EYS: variants seen among roughly 807,000 people sequenced by gnomAD.
EYS encodes protein eyes shut homolog.
A neutral mutation model predicts 282.1 loss-of-function variants in EYS; 250 were observed. That is an observed-to-expected ratio of 0.89 (90% CI 0.80 to 0.98). The LOEUF (loss-of-function observed/expected upper bound fraction) is 0.98, where lower values mean the gene tolerates loss of function less well. Among genes scored for constraint, EYS ranks in the 50% least tolerant of loss-of-function variants. EYS has a pLI of 0.00. For missense variants in EYS, 4,016 were observed against 3,709.0 expected, an observed-to-expected ratio of 1.08 and a Z score of -2.15; for synonymous variants, 1,355 against 1,282.9, an observed-to-expected ratio of 1.06 and a Z score of -1.20.
intron 31 of EYS, among the ~76,000 whole-genome samples, chr6:64,091,603 T>TC (rs1253917955): frequency 2.6e-5 from 4 of 152,142 alleles, no homozygotes; most frequent in Non-Finnish European, 5.9e-5. Flanking sequence ...ACGTTGATGG[T>TC]CCCCAGACTT....
At chr6:64,136,122 A>T (rs1457728676) in intron 31 of EYS, among the ~76,000 whole-genome samples, 2 of 149,456 alleles carry the variant, frequency 1.3e-5, no homozygotes, top group Admixed American at 1.3e-4. Flanking sequence ...CAGCATCTTC[A>T]CCAGGAGTAG....
At chr6:63,908,452 T>C (rs1773837831) in intron 35 of EYS, among the ~76,000 whole-genome samples, 1 of 152,112 alleles carries the variant, frequency 6.6e-6, no homozygotes, top group Admixed American at 6.5e-5. Flanking sequence ...TTTTTGTTTG[T>C]TCTTTTTTAT....
intron 35 of EYS, among the ~76,000 whole-genome samples, chr6:63,984,114 G>A (rs1028378530): frequency 2.6e-5 from 4 of 151,590 alleles, no homozygotes. Flanking sequence ...ATAAAGACGT[G>A]GATTCATTTG....
At chr6:64,102,894 CT>C (rs1307665534) in intron 31 of EYS, among the ~76,000 whole-genome samples, 3 of 150,746 alleles carry the variant, frequency 2.0e-5, no homozygotes, top group East Asian at 1.9e-4. Context: ...ACAAACATAT[CT>C]TTTTTTTCAT....
chr6:65,618,804 T>C (rs933194867), intron 2 of EYS, among the ~76,000 whole-genome samples: 24 of 152,314 alleles, frequency 1.6e-4, no homozygotes, highest in Middle Eastern at 3.4e-3. Context: ...ATTTATTAAA[T>C]AGGGAATCCT....
At chr6:65,230,658 G>A (rs1351899674) in intron 12 of EYS, among the ~76,000 whole-genome samples, 1 of 151,588 alleles carries the variant, frequency 6.6e-6, no homozygotes, top group East Asian at 1.9e-4. Flanking sequence ...CACATGTGGA[G>A]GGCCTCCCCT....
intron 18 of EYS, among the ~76,000 whole-genome samples, chr6:64,887,587 A>G (rs975705466): frequency 1.3e-5 from 2 of 152,006 alleles, no homozygotes; most frequent in African/African-American, 4.8e-5. Flanking sequence ...TTTGAGCTAG[A>G]TTTCTATTTA....
intron 33 of EYS, among the ~76,000 whole-genome samples, chr6:64,041,162 C>T (rs1244976155): frequency 1.3e-5 from 2 of 151,932 alleles, no homozygotes; most frequent in Non-Finnish European, 2.9e-5. Flanking sequence ...GGGTGATAGA[C>T]TCTGCTGATT....
chr6:64,603,796 G>A (rs561110166), intron 24 of EYS, among the ~76,000 whole-genome samples: 2 of 150,592 alleles, frequency 1.3e-5, no homozygotes, highest in East Asian at 3.9e-4. Flanking sequence ...TATATAGATA[G>A]TACTACAGAT....
intron 22 of EYS, among the ~76,000 whole-genome samples, chr6:64,658,063 CT>C (rs1269151496): frequency 2.6e-5 from 4 of 152,148 alleles, no homozygotes; most frequent in African/African-American, 9.7e-5. Context: ...TCTTTTTACT[CT>C]TTTTCCTCTA....
intron 33 of EYS, among the ~76,000 whole-genome samples, chr6:64,003,802 T>G (rs1436108203): frequency 6.6e-6 from 1 of 152,200 alleles, no homozygotes; most frequent in Non-Finnish European, 1.5e-5. Flanking sequence ...ATGCTGTTCT[T>G]GTGATAGTGA....
At chr6:64,566,029 A>G (rs1240763697) in intron 26 of EYS, among the ~76,000 whole-genome samples, 2 of 151,780 alleles carry the variant, frequency 1.3e-5, no homozygotes, top group African/African-American at 4.8e-5. Context: ...TGTGCAAGAA[A>G]TCTGGTTTCA....
At chr6:65,048,586 G>A (rs1236923779) in intron 13 of EYS, among the ~76,000 whole-genome samples, 1 of 151,706 alleles carries the variant, frequency 6.6e-6, no homozygotes, top group Non-Finnish European at 1.5e-5. Context: ...TTTATAAAAC[G>A]ATAGTCCTTC....
intron 29 of EYS, among the ~76,000 whole-genome samples, chr6:64,317,241 A>G (rs903202541): frequency 8.6e-5 from 13 of 151,836 alleles, no homozygotes; most frequent in Admixed American, 7.2e-4. Flanking sequence ...TCTGCACAGA[A>G]AAAGAAACTA....
chr6:65,374,270 T>C (rs1256639342), intron 8 of EYS, among the ~76,000 whole-genome samples: 1 of 152,012 alleles, frequency 6.6e-6, no homozygotes, highest in East Asian at 1.9e-4. Flanking sequence ...TTGCCTCACC[T>C]AGGAAGTGTG....
At position 64,141,667 on chromosome 6, in the gene EYS, G is replaced by A. The variant is rs1272318023; in HGVS notation, c.6425-59665C>T. 2.0e-5 allele frequency among the ~76,000 whole-genome samples: 3 copies of A among 152,074 alleles called. No homozygotes were observed. The South Asian group carries it at 6.2e-4, about 31-fold the overall frequency. ...CATAAGATATAATCATATAAGAATG[G>A]TATTTCTAATTTATTCCTAATTGGT... On this transcript the variant is annotated intron_variant, in intron 31 of 42. Coordinates refer to ENST00000503581, the MANE Select transcript of EYS (RefSeq NM_001142800.2).
chr6:64,066,913 T>C (rs1323537851), intron 32 of EYS, among the ~76,000 whole-genome samples: 1 of 152,168 alleles, frequency 6.6e-6, no homozygotes, highest in African/African-American at 2.4e-5. Context: ...GTTTAAATTT[T>C]ATTTTTGATT....
At chr6:64,009,344 C>T (rs376255167) in intron 33 of EYS, among the ~76,000 whole-genome samples, 5 of 150,184 alleles carry the variant, frequency 3.3e-5, no homozygotes, top group Non-Finnish European at 5.9e-5. Flanking sequence ...AGTGCAGTGG[C>T]GTGATCTCGG....
chr6:63,748,090 T>C (rs1030840188), intron 41 of EYS, among the ~76,000 whole-genome samples: 1 of 152,200 alleles, frequency 6.6e-6, no homozygotes, highest in Non-Finnish European at 1.5e-5. Context: ...GTGGTACCTG[T>C]TTTTCTTTTC....
Sources: gnomAD v4.1 joint callset for allele counts (sites outside exome capture counted in the v4.1 genomes callset) on GRCh38, gnomAD v4.1.1 for gene constraint, MANE v1.5 for transcripts, NCBI Gene and HGNC (gene_info 2026-07-23, HGNC 2026-07-21) for gene names.